TOMM20: variants seen among roughly 807,000 people sequenced by gnomAD.
The protein encoded by TOMM20 is translocase of outer mitochondrial membrane 20, also known as mitochondrial import receptor subunit TOM20 homolog.
Under a neutral mutation model 22.1 loss-of-function variants are expected in TOMM20, and 10 were observed. The observed-to-expected ratio is 0.45, with a 90% CI of 0.28 to 0.77. The LOEUF is 0.77. Among genes scored for constraint, TOMM20 ranks in the 30% least tolerant of loss-of-function variants. TOMM20 has a pLI of 0.13. For synonymous variants in TOMM20, 55 were observed against 61.4 expected, an observed-to-expected ratio of 0.90 and a Z score of 0.49; for missense variants, 121 against 172.2, an observed-to-expected ratio of 0.70 and a Z score of 1.66.
chr1:235,127,287 T>C (rs1045457613), intron 1 of TOMM20, among the ~76,000 whole-genome samples: 3 of 152,196 alleles, frequency 2.0e-5, no homozygotes, highest in Non-Finnish European at 2.9e-5. Flanking sequence ...AAGAGGTAGG[T>C]GGCATTACCT....
chr1:235,119,159 T>G (rs751809425), intron 3 of TOMM20, among the ~76,000 whole-genome samples: 53 of 152,214 alleles, frequency 3.5e-4, no homozygotes, highest in Admixed American at 1.3e-4. Flanking sequence ...ATTGAGTAAA[T>G]TACGGTTCTC....
chr1:235,125,334 C>A (rs758162259), intron 1 of TOMM20, among the ~76,000 whole-genome samples: 9 of 152,256 alleles, frequency 5.9e-5, no homozygotes, highest in Middle Eastern at 6.8e-3. Flanking sequence ...CCTGCCTCAG[C>A]CTCCCCAGTA....
intron 1 of TOMM20, among the ~76,000 whole-genome samples, chr1:235,128,104 G>A (rs1041317194): frequency 2.6e-5 from 4 of 152,164 alleles, no homozygotes; most frequent in African/African-American, 9.7e-5. Flanking sequence ...AACTCGGGAG[G>A]CGGAGGTTGC....
At chr1:235,117,107 C>CACT (rs1660846589) in intron 3 of TOMM20, among the ~76,000 whole-genome samples, 2 of 127,282 alleles carry the variant, frequency 1.6e-5, no homozygotes, top group African/African-American at 6.2e-5. Context: ...TGCACTCCAG[C>CACT]CTGGGCGACA....
At chr1:235,122,481 C>G in intron 1 of TOMM20, 109 bp from the exon 2 acceptor site, 1 of 970,566 alleles carries the variant, frequency 1.0e-6, no homozygotes, top group Non-Finnish European at 1.6e-6. Context: ...ACATTTCTAA[C>G]TCTAGGAATC....
chr1:235,121,189 C>T (rs532084476), intron 2 of TOMM20, among the ~76,000 whole-genome samples: 1 of 143,960 alleles, frequency 6.9e-6, no homozygotes, highest in Non-Finnish European at 1.5e-5. Flanking sequence ...CAGAGTGAGA[C>T]TCCATCTCAA....
intron 1 of TOMM20, among the ~76,000 whole-genome samples, chr1:235,127,371 T>C (rs1047342747): frequency 6.6e-6 from 1 of 152,202 alleles, no homozygotes; most frequent in Admixed American, 6.5e-5. Context: ...AAATTCAAGG[T>C]CTGAATGTAA....
intron 3 of TOMM20, among the ~76,000 whole-genome samples, chr1:235,116,921 G>C (rs551913679): frequency 3.4e-5 from 5 of 149,090 alleles, no homozygotes; most frequent in South Asian, 2.1e-4. Context: ...GGATCACAAG[G>C]TCAGGAGATC....
chr1:235,117,475 CA>C (rs11307835), intron 3 of TOMM20, among the ~76,000 whole-genome samples: 60,449 of 135,752 alleles, frequency 0.45, 14,881 homozygotes, highest in African/African-American at 0.72. Context: ...TCAAAAAAAA[CA>C]AAAAAAAAAA....
intron 3 of TOMM20, chr1:235,119,410 G>T (rs749157043): frequency 3.3e-5 from 5 of 153,364 alleles, no homozygotes; most frequent in Non-Finnish European, 5.8e-5. Context: ...ATAAATACTG[G>T]AAAAGATCTG....
rs1293110471 is a variant in TOMM20, at chr1:235,128,782, C to G, written c.-67G>C. On this transcript the variant is annotated 5_prime_UTR_variant, in exon 1 of 5. Coordinates refer to ENST00000366607, the MANE Select transcript of TOMM20 (RefSeq NM_014765.3). ...GCGAAGGAGCGGTGGGCCACGAACC[C>G]TCAGAGCGGTCGGCGCAGCTCACAC... 1.2e-6 allele frequency: 2 copies of G among 1,605,378 alleles called. No homozygotes were observed. Among genetic ancestry groups the G allele is most frequent in the African/African-American group, 2.7e-5 (2 of 74,762 alleles).
At chr1:235,125,356 A>G (rs1475815104) in intron 1 of TOMM20, among the ~76,000 whole-genome samples, 1 of 152,146 alleles carries the variant, frequency 6.6e-6, no homozygotes, top group Non-Finnish European at 1.5e-5. Context: ...GTGGGACTAC[A>G]GGCACCCGCC....
chr1:235,110,546 A>C lies in TOMM20; in HGVS notation c.*1518T>G. 6.6e-6 allele frequency: 1 copy of C among 152,358 alleles called. No homozygotes were observed. Among genetic ancestry groups the C allele is most frequent in the Non-Finnish European group, 1.5e-5 (1 of 68,076 alleles). The allele number at this position is 152,358 out of a possible 1,614,324, so 9.4% of individuals were successfully genotyped here. A position where few individuals can be genotyped will look rare whatever the true frequency, so the allele number is the denominator to read the frequency against. ...GTTCAGGATCACAAACCCTCAAGAT[A>C]CCCGAGAAAAGTCCTCAAATGTGAG... On this transcript the variant is annotated 3_prime_UTR_variant, in exon 5 of 5. Transcript: ENST00000366607.
Position 235,127,778 on chromosome 1 carries a change from T to TC in TOMM20, c.121+816dup, listed in dbSNP as rs767842829. ...ATCACAACGGTTTTCATGACACGATTCCCCTCTGGTAGACCTCTCTTAAAA... is the reference window on the plus strand; with the variant it reads ...ATCACAACGGTTTTCATGACACGATTCCCCCTCTGGTAGACCTCTCTTAAAA... On this transcript the variant is annotated intron_variant, in intron 1 of 4. Transcript: ENST00000366607. 8.3e-6 allele frequency: 4 copies of TC among 482,274 alleles called. No individual in the cohort carries two copies. The East Asian group carries it at 1.8e-4, about 21-fold the overall frequency. 29.9% of individuals were successfully genotyped at this position (482,274 alleles called of 1,614,324 possible). A position where few individuals can be genotyped will look rare whatever the true frequency, so the allele number is the denominator to read the frequency against.
At chr1:235,126,172 TC>T (rs1277735827) in intron 1 of TOMM20, among the ~76,000 whole-genome samples, 4 of 151,462 alleles carry the variant, frequency 2.6e-5, no homozygotes, top group Non-Finnish European at 4.4e-5. Flanking sequence ...TCTTGCTCTG[TC>T]CCCCCAGGAT....
intron 1 of TOMM20, among the ~76,000 whole-genome samples, chr1:235,123,043 AT>A (rs1660953335): frequency 1.3e-5 from 2 of 152,246 alleles, no homozygotes; most frequent in Non-Finnish European, 2.9e-5. Context: ...GCTAATACTT[AT>A]TAGCTGGGTG....
At chr1:235,122,555 T>C (rs1280129922) in intron 1 of TOMM20, 183 bp from the exon 2 acceptor site, 5 of 483,518 alleles carry the variant, frequency 1.0e-5, no homozygotes, top group Non-Finnish European at 1.8e-5. Flanking sequence ...GTAGGAAATG[T>C]GACACTGCAC....
At chr1:235,121,375 G>A (rs1193578795) in intron 2 of TOMM20, among the ~76,000 whole-genome samples, 1 of 152,104 alleles carries the variant, frequency 6.6e-6, no homozygotes, top group East Asian at 1.9e-4. Context: ...TTCTATTCTT[G>A]AATCTAAAAA....
intron 4 of TOMM20, among the ~76,000 whole-genome samples, chr1:235,112,330 G>A (rs1426074725): frequency 6.6e-6 from 1 of 152,096 alleles, no homozygotes; most frequent in East Asian, 1.9e-4. Context: ...TAACAAAGGA[G>A]GCAGATCATT....
Sources: gnomAD v4.1 joint callset for allele counts (sites outside exome capture counted in the v4.1 genomes callset) on GRCh38, gnomAD v4.1.1 for gene constraint, MANE v1.5 for transcripts, NCBI Gene and HGNC (gene_info 2026-07-23, HGNC 2026-07-21) for gene names.